The following FLT1 variants were observed in gnomAD, a reference collection of about 807,000 sequenced individuals.
FLT1 encodes the protein vascular endothelial growth factor receptor 1.
A neutral mutation model predicts 156.3 loss-of-function variants in FLT1; 49 were observed. That is an observed-to-expected ratio of 0.31 (90% CI 0.25 to 0.40). The LOEUF is 0.40. Among genes scored for constraint, FLT1 ranks in the 10% least tolerant of loss-of-function variants. The pLI, the probability that FLT1 is intolerant of heterozygous loss-of-function variation, is 1.00. For missense variants in FLT1, 1,322 were observed against 1,637.2 expected (o/e 0.81, Z 3.32); for synonymous variants, 594 against 583.8 (o/e 1.02, Z -0.25).
In FLT1 at chr13:28,324,701, G is replaced by A. The variant is rs140496744; in HGVS notation, c.2797-1755C>T. ...TGGGACAGAAGGCATCAGAGAAAGC[G>A]CTGGCAATAGCATGGGGAGAAAAAT... On this transcript the variant is annotated intron_variant, in intron 20 of 29. Coordinates refer to ENST00000282397, the MANE Select transcript of FLT1 (RefSeq NM_002019.4). Among the ~76,000 whole-genome samples the A allele has an allele frequency of 6.6e-3, 1,011 of 152,316 alleles. 13 individuals carry two copies. Among genetic ancestry groups the A allele is most frequent in the African/African-American group, 0.023 (966 of 41,564 alleles).
intron 13 of FLT1, chr13:28,388,677 C>G: frequency 1.9e-6 from 2 of 1,056,422 alleles, no homozygotes; most frequent in Non-Finnish European, 2.3e-6. Flanking sequence ...CATAAAAATC[C>G]TATTAACATT....
chr13:28,330,782 C>T (rs990195341), intron 18 of FLT1, among the ~76,000 whole-genome samples: 3 of 151,882 alleles, frequency 2.0e-5, no homozygotes, highest in East Asian at 3.9e-4. Context: ...GGTGCGATCT[C>T]GGCTCCCTGC....
At chr13:28,445,204 C>CAGTG (rs1278616606) in intron 3 of FLT1, among the ~76,000 whole-genome samples, 1 of 152,060 alleles carries the variant, frequency 6.6e-6, no homozygotes, top group African/African-American at 2.4e-5. Flanking sequence ...GGGCCAGGTG[C>CAGTG]AGTGGCTCAT....
intron 1 of FLT1, among the ~76,000 whole-genome samples, chr13:28,478,468 G>A (rs1199641781): frequency 6.6e-6 from 1 of 152,216 alleles, no homozygotes; most frequent in Non-Finnish European, 1.5e-5. Flanking sequence ...GGTTCCCTTA[G>A]AAGGAAAGTC....
chr13:28,333,321 C>T (rs983354505), intron 18 of FLT1, among the ~76,000 whole-genome samples: 1 of 152,146 alleles, frequency 6.6e-6, no homozygotes, highest in Admixed American at 6.5e-5. Flanking sequence ...AATTCCATTA[C>T]AGATGAGGAA....
chr13:28,473,765 GGAAGGAAGGAAGGAAAGAAAGAAA>G (rs1566050449), intron 1 of FLT1, among the ~76,000 whole-genome samples: 43 of 92,518 alleles, frequency 4.6e-4, no homozygotes, highest in African/African-American at 1.0e-3. Context: ...AAGGAAGGAA[GGAAGGAAGGAAGGAAAGAAAGAAA>G]GAAAGAAAGA....
In FLT1 at chr13:28,467,042, T is replaced by C; in HGVS notation, c.249A>G (p.Arg83=). Residue 83 remains arginine, a synonymous_variant, in exon 3 of 30, where the codon AGA becomes AGG. Coordinates refer to ENST00000282397, the MANE Select transcript of FLT1 (RefSeq NM_002019.4). Reference sequence around the variant, plus strand: ...AAGTACTGCAGAATTGTTTGCCATTTCTTCCACAGGCAGATTTAGTTATGC... The same window carrying C: ...AAGTACTGCAGAATTGTTTGCCATTCCTTCCACAGGCAGATTTAGTTATGC... ...RLSITKSACG[R]NGKQFCSTLT... is the part of the protein sequence containing the mutation. 1 of 1,614,224 alleles carries C rather than the reference T, an allele frequency of 6.2e-7. No homozygotes were observed. The highest frequency in any genetic ancestry group is 8.5e-7 in the Non-Finnish European group (1 of 1,180,028).
At chr13:28,414,454 C>G (rs539948415) in intron 10 of FLT1, among the ~76,000 whole-genome samples, 2 of 152,142 alleles carry the variant, frequency 1.3e-5, no homozygotes, top group South Asian at 4.2e-4. Flanking sequence ...ATTACAGGCA[C>G]TAAAAATGCA....
In FLT1 at chr13:28,473,827, AAAGAAAGAAAGG is replaced by A. The variant is rs1396980100; in HGVS notation, c.65-6222_65-6211del. Among the ~76,000 whole-genome samples, 428 of 115,312 alleles carry A rather than the reference AAAGAAAGAAAGG, an allele frequency of 3.7e-3. 9 individuals carry two copies. Among genetic ancestry groups the A allele is most frequent in the African/African-American group, 0.015 (386 of 25,624 alleles). 75.6% of individuals were successfully genotyped at this position (115,312 alleles called of 152,430 possible). A position where few individuals can be genotyped will look rare whatever the true frequency, so the allele number is the denominator to read the frequency against. The stretch of plus-strand genomic sequence containing the variant: ...GAAAGAAAGAAAGAAAGAAAGAAAG[AAAGAAAGAAAGG>A]AAGAAAGAAAGAAAGAAAGAAAGAA... On this transcript the variant is annotated intron_variant, in intron 1 of 29. Coordinates refer to ENST00000282397, the MANE Select transcript of FLT1 (RefSeq NM_002019.4).
chr13:28,307,842 G>A (rs1296149171), intron 28 of FLT1, among the ~76,000 whole-genome samples: 2 of 151,694 alleles, frequency 1.3e-5, no homozygotes, highest in Non-Finnish European at 2.9e-5. Flanking sequence ...CGCGATCTCG[G>A]CTCACTGCAA....
chr13:28,330,304 A>G (rs1871872850), intron 18 of FLT1, among the ~76,000 whole-genome samples: 1 of 152,232 alleles, frequency 6.6e-6, no homozygotes, highest in African/African-American at 2.4e-5. Flanking sequence ...AGAGATAAGC[A>G]TTATCAGTCC....
intron 1 of FLT1, among the ~76,000 whole-genome samples, chr13:28,490,272 A>T (rs1406571633): frequency 6.6e-6 from 1 of 152,234 alleles, no homozygotes; most frequent in Non-Finnish European, 1.5e-5. Context: ...TGAGGAAAGG[A>T]GCAGCAATCA....
intron 17 of FLT1, among the ~76,000 whole-genome samples, chr13:28,336,742 CTTTTTT>C (rs548520953): frequency 7.7e-6 from 1 of 130,212 alleles, no homozygotes; most frequent in Non-Finnish European, 1.6e-5. Context: ...ATTATTCTAA[CTTTTTT>C]TTTTTTTTTT....
chr13:28,412,157 T>C (rs1361523921), intron 10 of FLT1, among the ~76,000 whole-genome samples: 1 of 152,156 alleles, frequency 6.6e-6, no homozygotes, highest in Non-Finnish European at 1.5e-5. Flanking sequence ...TGGCCCCCAT[T>C]ATGGCGGCCA....
Position 28,303,156 on chromosome 13 carries a change from C to G in FLT1, c.*11G>C. 1 of 1,606,160 alleles carries G rather than the reference C, an allele frequency of 6.2e-7. No individual in the cohort carries two copies. Among genetic ancestry groups the G allele is most frequent in the Admixed American group, 1.7e-5 (1 of 60,002 alleles). Reference sequence around the variant, plus strand: ...ACATGTGCTTCTAGAAATAAGGCTTCGTGTCAAACTCTAGATGGGTGGGGT... The same window carrying G: ...ACATGTGCTTCTAGAAATAAGGCTTGGTGTCAAACTCTAGATGGGTGGGGT... On this transcript the variant is annotated 3_prime_UTR_variant, in exon 30 of 30. Transcript: ENST00000282397.
intron 3 of FLT1, among the ~76,000 whole-genome samples, chr13:28,446,189 A>G (rs1474010746): frequency 6.6e-6 from 1 of 152,188 alleles, no homozygotes; most frequent in African/African-American, 2.4e-5. Context: ...AAAAAACCCT[A>G]CGTCTAACAT....
At position 28,302,483 on chromosome 13, in the gene FLT1, C is replaced by G. The variant is rs1401672606; in HGVS notation, c.*684G>C. 1 of 233,188 alleles carries G rather than the reference C, an allele frequency of 4.3e-6. No homozygotes were observed. Among genetic ancestry groups the G allele is most frequent in the Non-Finnish European group, 8.5e-6 (1 of 118,078 alleles). 14.4% of individuals were successfully genotyped at this position (233,188 alleles called of 1,614,324 possible). A position where few individuals can be genotyped will look rare whatever the true frequency, so the allele number is the denominator to read the frequency against. On this transcript the variant is annotated 3_prime_UTR_variant, in exon 30 of 30. Coordinates refer to ENST00000282397, the MANE Select transcript of FLT1 (RefSeq NM_002019.4). ...TTCCAAAAAAGATATTTGTCCTTTT[C>G]TTGCCTCCCAGAATCCAGAAAATGT...
chr13:28,312,174 G>C lies in FLT1; in HGVS notation c.3387-76C>G. The stretch of plus-strand genomic sequence containing the variant: ...TGCATTGCCTTACGTACTACAAAGG[G>C]AGGGCTGTCATCATCCGCATAAAGC... On this transcript the variant is annotated intron_variant, in intron 25 of 29. Transcript: ENST00000282397. 2 of 909,818 alleles carry C rather than the reference G, an allele frequency of 2.2e-6. 1 individual carries two copies. The highest frequency in any genetic ancestry group is 2.6e-5 in the South Asian group (2 of 76,514). The allele number at this position is 909,818 out of a possible 1,614,324, so 56.4% of individuals were successfully genotyped here.
At position 28,448,556 on chromosome 13, in the gene FLT1, C is replaced by G. The variant is rs189900064; in HGVS notation, c.389-10211G>C. Among the ~76,000 whole-genome samples the G allele has an allele frequency of 1.4e-4, 21 of 152,152 alleles. No individual in the cohort carries two copies. The East Asian group carries it at 4.1e-3, about 29-fold the overall frequency. ...CTATTTATATAAAATATCCATGAGA[C>G]AAATCTATGGGAACAGAAAGTAGAT... On this transcript the variant is annotated intron_variant, in intron 3 of 29. Transcript: ENST00000282397.
Sources: gnomAD v4.1 joint callset for allele counts (sites outside exome capture counted in the v4.1 genomes callset) on GRCh38, gnomAD v4.1.1 for gene constraint, MANE v1.5 for transcripts, NCBI Gene and HGNC (gene_info 2026-07-23, HGNC 2026-07-21) for gene names.